Variants in MMS22L observed in about 807,000 individuals in gnomAD.
The protein encoded by MMS22L is MMS22 like, DNA repair protein, also known as protein MMS22-like.
Under a neutral mutation model 159.1 loss-of-function variants are expected in MMS22L, and 74 were observed. The ratio of observed to expected loss-of-function variants is 0.47; its 90% CI spans 0.39 to 0.56. MMS22L has a LOEUF of 0.56. Among genes scored for constraint, MMS22L ranks in the 20% least tolerant of loss-of-function variants. The probability of loss-of-function intolerance (pLI) is 0.00; values close to 1 mark genes in which losing one functional copy is unlikely to be tolerated. For synonymous variants in MMS22L, 517 were observed against 506.9 expected (o/e 1.02, Z -0.27); for missense variants, 1,351 against 1,422.1 (o/e 0.95, Z 0.80).
At chr6:97,277,026 A>G (rs1184766250) in intron 4 of MMS22L, among the ~76,000 whole-genome samples, 2 of 152,248 alleles carry the variant, frequency 1.3e-5, no homozygotes, top group Non-Finnish European at 2.9e-5. Flanking sequence ...ATCACGTAAC[A>G]TATTAAGAAA....
chr6:97,270,878 A>G (rs1438943283), intron 6 of MMS22L: 1 of 152,198 alleles, frequency 6.6e-6, no homozygotes, highest in East Asian at 1.9e-4. Flanking sequence ...CTGCATGTTT[A>G]AAAATAACAT....
intron 6 of MMS22L, chr6:97,271,627 A>G (rs1041919374): frequency 6.6e-6 from 1 of 152,160 alleles, no homozygotes; most frequent in Non-Finnish European, 1.5e-5. Flanking sequence ...TCTGATGAAA[A>G]ACTTGTTTCT....
chr6:97,279,355 A>G (rs1816538522), intron 3 of MMS22L, among the ~76,000 whole-genome samples: 1 of 152,000 alleles, frequency 6.6e-6, no homozygotes, highest in Non-Finnish European at 1.5e-5. Flanking sequence ...ATGGTGGCGG[A>G]CGCCTGTAGT....
intron 9 of MMS22L, chr6:97,261,740 A>C (rs1256019257): frequency 6.6e-6 from 1 of 152,138 alleles, no homozygotes; most frequent in Non-Finnish European, 1.5e-5. Context: ...TTTTGTTGGA[A>C]GGTTATGTAG....
At chr6:97,232,154 A>C (rs1199979973) in intron 12 of MMS22L, among the ~76,000 whole-genome samples, 1 of 152,106 alleles carries the variant, frequency 6.6e-6, no homozygotes, top group African/African-American at 2.4e-5. Flanking sequence ...AGAATCTTTC[A>C]TCAGTAGTAC....
At chr6:97,270,381 T>G in intron 6 of MMS22L, 1 of 411,470 alleles carries the variant, frequency 2.4e-6, no homozygotes, top group Non-Finnish European at 4.7e-6. Context: ...ACCCAGGAAC[T>G]CCTATAAAAT....
intron 14 of MMS22L, among the ~76,000 whole-genome samples, 157 bp from the exon 15 acceptor site, chr6:97,186,847 T>C (rs935962269): frequency 6.6e-6 from 1 of 152,216 alleles, no homozygotes; most frequent in Non-Finnish European, 1.5e-5. Context: ...GGTTGTTTGA[T>C]GGATGAATGA....
Position 97,215,091 on chromosome 6 carries a change from A to AATAT in MMS22L, c.2039+13799_2039+13802dup, listed in dbSNP as rs1167446221. On this transcript the variant is annotated intron_variant, in intron 14 of 24. Coordinates refer to ENST00000683635, the MANE Select transcript of MMS22L (RefSeq NM_001350599.2). ...TTTTTTCACAATTAATCATGTTTTAAATATATATATATATATATATATATT... is the reference window on the plus strand; with the variant it reads ...TTTTTTCACAATTAATCATGTTTTAAATATATATATATATATATATATATATATT... 3.6e-3 allele frequency among the ~76,000 whole-genome samples: 503 copies of AATAT among 141,274 alleles called. 2 individuals are homozygous for AATAT. The highest frequency in any genetic ancestry group is 0.01 in the African/African-American group (398 of 38,084). The allele number at this position is 141,274 out of a possible 152,430, so 92.7% of individuals were successfully genotyped here. A position where few individuals can be genotyped will look rare whatever the true frequency, so the allele number is the denominator to read the frequency against.
intron 11 of MMS22L, among the ~76,000 whole-genome samples, chr6:97,239,010 C>A (rs1231303263): frequency 6.7e-6 from 1 of 148,594 alleles, no homozygotes; most frequent in Non-Finnish European, 1.5e-5. Context: ...GCATAACTAG[C>A]CTACCTATCA....
chr6:97,272,736 T>C lies in MMS22L; in HGVS notation c.574A>G (p.Ile192Val), dbSNP rs1361620042. ...GHLSELPSVN[I>V]GAFVNQNQIK... ...TGGTTTTGATTTACAAATGCTCCTATATTAACACTGGGAAGTTCAGATAGG... is the reference window on the plus strand; with the variant it reads ...TGGTTTTGATTTACAAATGCTCCTACATTAACACTGGGAAGTTCAGATAGG... Residue 192 changes from isoleucine to valine, a missense_variant, in exon 6 of 25, where the codon ATA (isoleucine) becomes GTA (valine). By Grantham distance (29) the Ile-to-Val change is conservative. Coordinates refer to ENST00000683635, the MANE Select transcript of MMS22L (RefSeq NM_001350599.2). The C allele has an allele frequency of 7.4e-6, 12 of 1,612,912 alleles. No individual in the cohort carries two copies. The highest frequency in any genetic ancestry group is 2.2e-5 in the East Asian group (1 of 44,872).
intron 9 of MMS22L, chr6:97,261,323 T>C (rs1814459547): frequency 6.6e-6 from 1 of 152,398 alleles, no homozygotes; most frequent in Admixed American, 6.5e-5. Context: ...GGTGCGCTTA[T>C]ACATGGATTT....
chr6:97,142,312 T>C lies in MMS22L; in HGVS notation c.*4494A>G, dbSNP rs1285584032. On this transcript the variant is annotated 3_prime_UTR_variant, in exon 25 of 25. Coordinates refer to ENST00000683635, the MANE Select transcript of MMS22L (RefSeq NM_001350599.2). ...TGGATAGCCATTGGCACATCAAAAA[T>C]TTTAATAAGTATAAACTGGTCAATT... 2.0e-5 allele frequency: 3 copies of C among 152,436 alleles called. No individual in the cohort carries two copies. Among genetic ancestry groups the C allele is most frequent in the East Asian group, 1.9e-4 (1 of 5,202 alleles). 9.4% of individuals were successfully genotyped at this position (152,436 alleles called of 1,614,324 possible).
chr6:97,179,542 A>T lies in MMS22L; in HGVS notation c.2402T>A (p.Leu801His). The stretch of plus-strand genomic sequence containing the variant: ...AAAAGATACATAGCCTGAATGAGAA[A>T]GTGCTTCACATAATGTGCTGTAGAA... ...VLQNSTLCEA[L>H]SHSGYVSFQA... is the part of the protein sequence containing the mutation. The change falls in exon 17 of 25, where the codon CTT (leucine) becomes CAT (histidine). Residue 801 changes from leucine (L) to histidine (H), a missense_variant. Transcript: ENST00000683635. The T allele has an allele frequency of 6.2e-7, 1 of 1,610,454 alleles. No individual in the cohort carries two copies. The highest frequency in any genetic ancestry group is 8.5e-7 in the Non-Finnish European group (1 of 1,178,488).
chr6:97,211,939 G>A (rs1808422852), intron 14 of MMS22L, among the ~76,000 whole-genome samples: 1 of 152,058 alleles, frequency 6.6e-6, no homozygotes, highest in Admixed American at 6.6e-5. Context: ...TCTAATATTT[G>A]CCACCTATCA....
At chr6:97,266,417 T>C (rs547652816) in intron 8 of MMS22L, 2 of 152,346 alleles carry the variant, frequency 1.3e-5, no homozygotes, top group South Asian at 4.1e-4. Context: ...ATCAACCAAA[T>C]TGTCCATCAA....
At chr6:97,156,501 G>GT (rs1801862743) in intron 22 of MMS22L, among the ~76,000 whole-genome samples, 2 of 152,178 alleles carry the variant, frequency 1.3e-5, no homozygotes, top group Admixed American at 6.5e-5. Flanking sequence ...TGTGTAAGGT[G>GT]TAAGGAATGG....
intron 14 of MMS22L, among the ~76,000 whole-genome samples, chr6:97,204,937 C>CTTTTTTTTT (rs1222516541): frequency 3.8e-5 from 2 of 52,376 alleles, no homozygotes; most frequent in Admixed American, 3.6e-4. Flanking sequence ...TGTACAGTGT[C>CTTTTTTTTT]TTTTTTTTTT....
chr6:97,186,436 G>T, intron 15 of MMS22L, 61 bp downstream of exon 15: 1 of 1,438,404 alleles, frequency 7.0e-7, no homozygotes, highest in Non-Finnish European at 9.4e-7. Flanking sequence ...AGAAAATAAA[G>T]GAAAATACTG....
chr6:97,271,777 T>A (rs1418588803), intron 6 of MMS22L: 1 of 152,102 alleles, frequency 6.6e-6, no homozygotes, highest in Non-Finnish European at 1.5e-5. Flanking sequence ...GTTCAAGGGA[T>A]CCCCCCACCT....
Sources: allele counts gnomAD v4.1 joint callset (sites outside exome capture counted in the v4.1 genomes callset), GRCh38; gene constraint gnomAD v4.1.1; transcripts MANE v1.5; gene names NCBI Gene and HGNC (gene_info 2026-07-23, HGNC 2026-07-21).